Variants in CACNA1E observed in about 807,000 individuals in gnomAD.
The protein encoded by CACNA1E is calcium voltage-gated channel subunit alpha1 E.
Under a neutral mutation model 259.2 loss-of-function variants are expected in CACNA1E, and 40 were observed. The ratio of observed to expected loss-of-function variants is 0.15; its 90% CI spans 0.12 to 0.20. The LOEUF (loss-of-function observed/expected upper bound fraction) is 0.20, where lower values mean the gene tolerates loss of function less well. CACNA1E is among the 10% of genes least tolerant of loss of function. The probability of loss-of-function intolerance (pLI) is 1.00; values close to 1 mark genes in which losing one functional copy is unlikely to be tolerated. For missense variants in CACNA1E, 1,874 were observed against 3,040.1 expected, an observed-to-expected ratio of 0.62 and a Z score of 9.02; for synonymous variants, 1,104 against 1,138.5, an observed-to-expected ratio of 0.97 and a Z score of 0.61.
chr1:181,604,598 C>G (rs1654056678), intron 6 of CACNA1E, among the ~76,000 whole-genome samples: 1 of 152,226 alleles, frequency 6.6e-6, no homozygotes, highest in African/African-American at 2.4e-5. Context: ...ATGCCATTTT[C>G]TATTGACAAG....
At chr1:181,340,884 A>C (rs1652090849) in intron 1 of CACNA1E, among the ~76,000 whole-genome samples, 1 of 152,088 alleles carries the variant, frequency 6.6e-6, no homozygotes, top group Non-Finnish European at 1.5e-5. Flanking sequence ...ATCATCTTAC[A>C]TTTGTCTACA....
intron 2 of CACNA1E, among the ~76,000 whole-genome samples, chr1:181,466,594 A>G (rs1015731938): frequency 6.6e-6 from 1 of 152,018 alleles, no homozygotes; most frequent in Non-Finnish European, 1.5e-5. Flanking sequence ...AAAACAAAAC[A>G]AAACACATAA....
chr1:181,350,688 GCT>G (rs1319693355), intron 1 of CACNA1E, among the ~76,000 whole-genome samples: 1 of 152,150 alleles, frequency 6.6e-6, no homozygotes, highest in Non-Finnish European at 1.5e-5. Context: ...CCAGACTGGG[GCT>G]CTGTTTCAAC....
At position 181,732,957 on chromosome 1, in the gene CACNA1E, G is replaced by A. The variant is rs1655658949; in HGVS notation, c.2871G>A (p.Glu957=). 6.2e-7 allele frequency: 1 copy of A among 1,614,018 alleles called. No individual in the cohort carries two copies. Among genetic ancestry groups the A allele is most frequent in the Non-Finnish European group, 8.5e-7 (1 of 1,179,880 alleles). ...ATGAAGCCATGCCCACTGAAGGGGA[G>A]AAGGACCATGAGCTCAGGGGCAACC... ...SLDEAMPTEG[E]KDHELRGNHG... is the part of the protein sequence containing the mutation. Residue 957 remains glutamate (E), a synonymous_variant, in exon 20 of 48, where the codon GAG becomes GAA. Coordinates refer to ENST00000367573, the MANE Select transcript of CACNA1E (RefSeq NM_001205293.3). The surrounding 1 kb of genome is among the most constrained non-coding windows in gnomAD (Gnocchi z 5.5).
At chr1:181,482,361 G>A (rs569504977), upstream of CACNA1E, among the ~76,000 whole-genome samples, 297 of 152,370 alleles carry the variant, frequency 1.9e-3, no homozygotes, top group Middle Eastern at 3.4e-3. Flanking sequence ...TGCGCCCCAC[G>A]CCAGGCCCTC....
At chr1:181,487,496 G>A (rs73050074) in intron 1 of CACNA1E, among the ~76,000 whole-genome samples, 282 of 152,320 alleles carry the variant, frequency 1.9e-3, no homozygotes, top group African/African-American at 6.5e-3. Flanking sequence ...TGCATAGGGA[G>A]ATAATTTTAT....
At chr1:181,378,113 G>A (rs1342229600) in intron 1 of CACNA1E, among the ~76,000 whole-genome samples, 1 of 152,204 alleles carries the variant, frequency 6.6e-6, no homozygotes, top group African/African-American at 2.4e-5. Context: ...TAGACTTGTT[G>A]TGGGATTTGA....
chr1:181,459,962 T>C (rs1282816078), intron 2 of CACNA1E, among the ~76,000 whole-genome samples: 1 of 152,352 alleles, frequency 6.6e-6, no homozygotes, highest in East Asian at 1.9e-4. Context: ...AGCTAGGTAA[T>C]GCACCATCAT....
At chr1:181,590,760 C>T (rs1163475285) in intron 6 of CACNA1E, among the ~76,000 whole-genome samples, 8 of 151,830 alleles carry the variant, frequency 5.3e-5, no homozygotes, top group African/African-American at 2.4e-5. Flanking sequence ...GCAGGTGCTC[C>T]CACCCCTCCC....
chr1:181,755,089 A>G, intron 27 of CACNA1E, 148 bp from the exon 28 acceptor site: 2 of 578,736 alleles, frequency 3.5e-6, no homozygotes, highest in Non-Finnish European at 3.0e-6. Context: ...TAATCTCATG[A>G]GCACCACCTC....
intron 7 of CACNA1E, among the ~76,000 whole-genome samples, chr1:181,672,341 A>G (rs777141034): frequency 2.0e-5 from 3 of 152,208 alleles, no homozygotes; most frequent in African/African-American, 7.2e-5. Context: ...CTGTGACATG[A>G]GTTAACCTGT....
intron 6 of CACNA1E, among the ~76,000 whole-genome samples, chr1:181,599,695 A>G (rs1653552783): frequency 6.6e-6 from 1 of 152,204 alleles, no homozygotes; most frequent in African/African-American, 2.4e-5. Flanking sequence ...TGCTTAGTAA[A>G]AAATCTGGTG....
chr1:181,574,126 C>T (rs543002341), intron 3 of CACNA1E, among the ~76,000 whole-genome samples: 64 of 152,168 alleles, frequency 4.2e-4, no homozygotes, highest in African/African-American at 1.3e-3. Context: ...GGGCCTCTCA[C>T]GGGTAAGTGT....
At chr1:181,569,074 T>C (rs1650137906) in intron 3 of CACNA1E, among the ~76,000 whole-genome samples, 1 of 152,220 alleles carries the variant, frequency 6.6e-6, no homozygotes, top group African/African-American at 2.4e-5. Flanking sequence ...TCTGACCTAC[T>C]CCAGCTTCAC....
intron 1 of CACNA1E, among the ~76,000 whole-genome samples, chr1:181,342,598 T>A (rs984751714): frequency 1.3e-5 from 2 of 152,170 alleles, no homozygotes; most frequent in African/African-American, 4.8e-5. Flanking sequence ...GCCGTCTGAT[T>A]CCATTTGTGG....
At chr1:181,682,110 T>C (rs2102269485) in intron 7 of CACNA1E, among the ~76,000 whole-genome samples, 1 of 152,278 alleles carries the variant, frequency 6.6e-6, no homozygotes, top group South Asian at 2.1e-4. Context: ...CCAAAAGTAT[T>C]ATGTGAGCAG....
chr1:181,504,199 C>T (rs1392527968), intron 1 of CACNA1E, among the ~76,000 whole-genome samples: 2 of 152,094 alleles, frequency 1.3e-5, no homozygotes, highest in African/African-American at 4.8e-5. Flanking sequence ...ACAGGTCTTC[C>T]TGTAGGGTCT....
At chr1:181,440,306 A>G (rs990737307) in intron 2 of CACNA1E, among the ~76,000 whole-genome samples, 6 of 152,208 alleles carry the variant, frequency 3.9e-5, no homozygotes, top group Admixed American at 6.5e-5. Flanking sequence ...GTGATACCCA[A>G]TCCTGCTTAT....
intron 6 of CACNA1E, among the ~76,000 whole-genome samples, chr1:181,590,412 A>ATATAT (rs1423754228): frequency 1.6e-5 from 2 of 121,584 alleles, no homozygotes; most frequent in African/African-American, 3.4e-5. Flanking sequence ...AAAAAAAAAA[A>ATATAT]AAAAATATAT....
Sources: allele counts gnomAD v4.1 joint callset (sites outside exome capture counted in the v4.1 genomes callset), GRCh38; gene constraint gnomAD v4.1.1; non-coding constraint Gnocchi (gnomAD v3.1); transcripts MANE v1.5; gene names NCBI Gene and HGNC (gene_info 2026-07-23, HGNC 2026-07-21).